SEC11A: variants seen among roughly 807,000 people sequenced by gnomAD.
SEC11A encodes signal peptidase complex catalytic subunit SEC11A.
SEC11A carries 14 observed loss-of-function variants against 25.6 expected under a neutral mutation model. The ratio of observed to expected loss-of-function variants is 0.55; its 90% CI spans 0.36 to 0.85. The LOEUF is 0.85. SEC11A is among the 40% of genes least tolerant of loss of function. The pLI, the probability that SEC11A is intolerant of heterozygous loss-of-function variation, is 0.01. For synonymous variants in SEC11A, 83 were observed against 76.4 expected (o/e 1.09, Z -0.45); for missense variants, 153 against 222.9 (o/e 0.69, Z 2.00).
chr15:84,670,234 T>A, intron 5 of SEC11A, 165 bp from the exon 6 acceptor site: 1 of 504,788 alleles, frequency 2.0e-6, no homozygotes, highest in Non-Finnish European at 3.4e-6. Flanking sequence ...CTAAGCAAAA[T>A]ATCACATTTC....
chr15:84,679,507 C>T (rs996099306), intron 4 of SEC11A, among the ~76,000 whole-genome samples: 3 of 152,186 alleles, frequency 2.0e-5, no homozygotes, highest in African/African-American at 7.2e-5. Flanking sequence ...ATGGGAACTG[C>T]GTATCTCAGA....
chr15:84,706,886 G>A (rs72630462), intron 1 of SEC11A, among the ~76,000 whole-genome samples: 20,691 of 152,196 alleles, frequency 0.14, 1,509 homozygotes, highest in Non-Finnish European at 0.17. Flanking sequence ...TACGCAGAAG[G>A]TCACTGTAGT....
rs137987088 is a variant in SEC11A, at chr15:84,691,658, A to G, written c.52-14T>C. 6.3e-3 allele frequency: 9,172 copies of G among 1,463,760 alleles called. 37 individuals are homozygous for G. Among genetic ancestry groups the G allele is most frequent in the Non-Finnish European group, 8.0e-3 (8,367 of 1,044,810 alleles). 90.7% of individuals were successfully genotyped at this position (1,463,760 alleles called of 1,614,324 possible). ...TTGATAATAGAGCTGCAAGAACAAA[A>G]CAGAAGAGATCAGATCCACCATTAT... On this transcript the variant is annotated splice_polypyrimidine_tract_variant and intron_variant, in intron 1 of 5. Coordinates refer to ENST00000268220, the MANE Select transcript of SEC11A (RefSeq NM_014300.4).
chr15:84,703,686 T>C (rs935847503), intron 1 of SEC11A, among the ~76,000 whole-genome samples: 1 of 152,160 alleles, frequency 6.6e-6, no homozygotes, highest in Non-Finnish European at 1.5e-5. Flanking sequence ...CAGATGTAGA[T>C]TTACATTGAT....
At chr15:84,673,683 G>T (rs1421076261) in intron 4 of SEC11A, 1 of 152,510 alleles carries the variant, frequency 6.6e-6, no homozygotes, top group Non-Finnish European at 1.5e-5. Context: ...GGCTGAGGCG[G>T]GTGGATCATG....
chr15:84,676,257 AAG>A (rs1375074565), intron 4 of SEC11A, among the ~76,000 whole-genome samples: 5 of 152,112 alleles, frequency 3.3e-5, no homozygotes, highest in Non-Finnish European at 5.9e-5. Flanking sequence ...GTTAAAAAAA[AAG>A]AGAGAGACCA....
At chr15:84,699,697 G>A (rs1897870725) in intron 1 of SEC11A, among the ~76,000 whole-genome samples, 2 of 152,106 alleles carry the variant, frequency 1.3e-5, no homozygotes, top group Admixed American at 1.3e-4. Flanking sequence ...GGCAGAGGCA[G>A]GAGGATAGCT....
At chr15:84,675,491 G>C (rs1897110640) in intron 4 of SEC11A, among the ~76,000 whole-genome samples, 1 of 152,160 alleles carries the variant, frequency 6.6e-6, no homozygotes, top group Non-Finnish European at 1.5e-5. Context: ...CTAAATGAGA[G>C]AGTAAGAGAA....
chr15:84,696,311 T>C (rs1185273400), intron 1 of SEC11A, among the ~76,000 whole-genome samples: 1 of 152,174 alleles, frequency 6.6e-6, no homozygotes, highest in African/African-American at 2.4e-5. Flanking sequence ...AAAGACAAAA[T>C]GGGTCTTCTT....
chr15:84,690,991 T>C (rs1287312981), intron 2 of SEC11A, among the ~76,000 whole-genome samples: 1 of 151,914 alleles, frequency 6.6e-6, no homozygotes, highest in East Asian at 1.9e-4. Context: ...AACCTTAACA[T>C]GGTAACTTTT....
intron 2 of SEC11A, among the ~76,000 whole-genome samples, chr15:84,687,983 C>G (rs368469960): frequency 1.3e-5 from 2 of 152,094 alleles, no homozygotes; most frequent in South Asian, 4.2e-4. Context: ...AGTTATTAAC[C>G]TTCACTAACT....
intron 1 of SEC11A, among the ~76,000 whole-genome samples, chr15:84,695,817 A>C (rs753770354): frequency 2.0e-5 from 3 of 152,202 alleles, no homozygotes; most frequent in Non-Finnish European, 4.4e-5. Context: ...TGCACAGTTA[A>C]TCTCTGAAAA....
chr15:84,679,985 T>C, intron 4 of SEC11A: 1 of 1,495,424 alleles, frequency 6.7e-7, no homozygotes, highest in South Asian at 1.2e-5. Context: ...ACAAACAGGC[T>C]TAATATAACT....
rs776999256 is a variant in SEC11A at position 84,680,781 on chromosome 15, A to G, written c.363T>C (p.Asp121=). ...GTCCTTGTTTATAGAGGCCTCGGTC[A>G]TCAACCGCATTATTATCTCCTTTGG... ...FLTKGDNNAV[D]DRGLYKQGQH... Residue 121 remains aspartate (D), a synonymous_variant, in exon 4 of 6, where the codon GAT becomes GAC. Transcript: ENST00000268220. 3 of 1,612,260 alleles carry G rather than the reference A, an allele frequency of 1.9e-6. No individual in the cohort carries two copies. Among genetic ancestry groups the G allele is most frequent in the Middle Eastern group, 3.3e-4 (2 of 6,048 alleles).
chr15:84,693,920 CTA>C lies in SEC11A; in HGVS notation c.52-2278_52-2277del, dbSNP rs1334966843. ...TCAAGTGATTCAGCAAAAGAAAATT[CTA>C]TATATGCACACACACATAAGTATAC... On this transcript the variant is annotated intron_variant, in intron 1 of 5. Transcript: ENST00000268220. Among the ~76,000 whole-genome samples the C allele has an allele frequency of 2.0e-5, 3 of 152,102 alleles. 1 individual carries two copies. The highest frequency in any genetic ancestry group is 4.4e-5 in the Non-Finnish European group (3 of 68,018).
At position 84,700,982 on chromosome 15, in the gene SEC11A, A is replaced by AT. The variant is rs1269919261; in HGVS notation, c.52-9339dup. On this transcript the variant is annotated intron_variant, in intron 1 of 5. Transcript: ENST00000268220. ...CTGGGCAACAAGAGCGAAACTCCAT[A>AT]TCAAAAAAAAAAAAAAAAAAAAAAT... 1.9e-3 allele frequency among the ~76,000 whole-genome samples: 144 copies of AT among 77,458 alleles called. 1 individual carries two copies. In the East Asian group the frequency reaches 0.045, roughly 24 times the overall value. The allele number at this position is 77,458 out of a possible 152,430, so 50.8% of individuals were successfully genotyped here.
intron 4 of SEC11A, among the ~76,000 whole-genome samples, chr15:84,676,406 C>CTGTGGTTG (rs1215551016): frequency 8.6e-5 from 13 of 150,912 alleles, no homozygotes; most frequent in Non-Finnish European, 1.3e-4. Context: ...GTGGGGGTTG[C>CTGTGGTTG]CGTGATCATG....
chr15:84,713,189 G>A (rs149452384), intron 1 of SEC11A, among the ~76,000 whole-genome samples: 2,710 of 134,822 alleles, frequency 0.02, 30 homozygotes, highest in Non-Finnish European at 0.03. Context: ...GTGAGACTCC[G>A]TCTCAAAAAA....
chr15:84,686,042 T>A (rs575396086), intron 3 of SEC11A: 1 of 152,202 alleles, frequency 6.6e-6, no homozygotes, highest in African/African-American at 2.4e-5. Flanking sequence ...GCTCAGGTGA[T>A]CTGCCCGCCT....
Sources: gnomAD v4.1 joint callset for allele counts (sites outside exome capture counted in the v4.1 genomes callset) on GRCh38, gnomAD v4.1.1 for gene constraint, MANE v1.5 for transcripts, NCBI Gene and HGNC (gene_info 2026-07-23, HGNC 2026-07-21) for gene names.